Variants in AP3B1 observed in about 807,000 individuals in gnomAD.
The protein encoded by AP3B1 is AP-3 complex subunit beta-1.
In AP3B1, 61 loss-of-function variants were observed where a neutral mutation model predicts 132.5. That is an observed-to-expected ratio of 0.46 (90% CI 0.37 to 0.57). The LOEUF is 0.57. Ranked by LOEUF, AP3B1 falls within the 20% of genes least tolerant of loss-of-function variation. AP3B1 has a pLI of 0.00. For synonymous variants in AP3B1, 388 were observed against 438.3 expected (o/e 0.89, Z 1.43); for missense variants, 1,120 against 1,289.4 (o/e 0.87, Z 2.01).
chr5:78,192,810 TGAA>T (rs1744899378), intron 7 of AP3B1, among the ~76,000 whole-genome samples: 1 of 152,168 alleles, frequency 6.6e-6, no homozygotes, highest in Admixed American at 6.5e-5. Context: ...TTCCATCATG[TGAA>T]GAAGACAGTC....
At position 78,240,015 on chromosome 5, in the gene AP3B1, C is replaced by G. The variant is rs533751952; in HGVS notation, c.279+847G>C. Among the ~76,000 whole-genome samples the G allele has an allele frequency of 1.1e-3, 166 of 152,254 alleles. 1 individual carries two copies. The highest frequency in any genetic ancestry group is 3.8e-3 in the African/African-American group (156 of 41,556). ...CCATACTATGCATGGAAAATAAAAT[C>G]ATAACTACAAAATTAGCGAACCCTC... On this transcript the variant is annotated intron_variant, in intron 3 of 26. Transcript: ENST00000255194.
chr5:78,275,045 T>C (rs2112573398), intron 1 of AP3B1, among the ~76,000 whole-genome samples: 1 of 152,328 alleles, frequency 6.6e-6, no homozygotes, highest in African/African-American at 2.4e-5. Context: ...AACTCTGCTA[T>C]TGCACAATGA....
At chr5:78,158,938 T>C (rs1743274526) in intron 13 of AP3B1, among the ~76,000 whole-genome samples, 1 of 152,172 alleles carries the variant, frequency 6.6e-6, no homozygotes, top group South Asian at 2.1e-4. Context: ...CCTCAGGTGA[T>C]CCACCCGCCT....
intron 3 of AP3B1, among the ~76,000 whole-genome samples, chr5:78,231,632 C>T (rs902111380): frequency 2.0e-5 from 3 of 151,990 alleles, no homozygotes; most frequent in African/African-American, 7.3e-5. Flanking sequence ...AGAACAACAA[C>T]AAACAAACAG....
intron 2 of AP3B1, among the ~76,000 whole-genome samples, chr5:78,242,410 A>C (rs1347425155): frequency 2.3e-5 from 3 of 130,398 alleles, no homozygotes; most frequent in Non-Finnish European, 5.0e-5. Context: ...AATTTCTTTC[A>C]GAATTTTTTT....
At chr5:78,103,633 G>A (rs1751217811) in intron 20 of AP3B1, among the ~76,000 whole-genome samples, 1 of 152,056 alleles carries the variant, frequency 6.6e-6, no homozygotes, top group African/African-American at 2.4e-5. Context: ...ACAGCTGAGT[G>A]ACTGTATTAG....
At chr5:78,166,762 A>C (rs1463158965) in intron 11 of AP3B1, among the ~76,000 whole-genome samples, 3 of 152,224 alleles carry the variant, frequency 2.0e-5, no homozygotes, top group Admixed American at 2.0e-4. Flanking sequence ...TACCCTATTC[A>C]ACAAATGGTG....
chr5:78,065,882 G>T (rs998464073), intron 22 of AP3B1, among the ~76,000 whole-genome samples: 13 of 152,150 alleles, frequency 8.5e-5, no homozygotes, highest in Non-Finnish European at 1.6e-4. Context: ...TTCCAACAGG[G>T]GTCGCTAGAC....
chr5:78,157,578 T>C lies in AP3B1; in HGVS notation c.1364-1211A>G, dbSNP rs532422676. The stretch of plus-strand genomic sequence containing the variant: ...TGAGAACCTGACCTTATGAAATGAA[T>C]CTTATATAATGTGTTATTAATGCTA... On this transcript the variant is annotated intron_variant, in intron 13 of 26. Transcript: ENST00000255194. Among the ~76,000 whole-genome samples, 36 of 152,298 alleles carry C rather than the reference T, an allele frequency of 2.4e-4. 1 individual carries two copies. In the South Asian group the frequency reaches 7.1e-3, roughly 30 times the overall value.
intron 10 of AP3B1, 33 bp downstream of exon 10, chr5:78,175,751 G>A (rs758266468): frequency 1.9e-6 from 3 of 1,607,304 alleles, no homozygotes; most frequent in Admixed American, 1.7e-5. Context: ...GTGTTCATGT[G>A]TCTCTTAAAT....
intron 7 of AP3B1, among the ~76,000 whole-genome samples, chr5:78,207,651 G>A (rs775406332): frequency 6.6e-6 from 1 of 152,012 alleles, no homozygotes; most frequent in Non-Finnish European, 1.5e-5. Context: ...AATAACTCAC[G>A]TTGAGATGTA....
chr5:78,135,927 C>G (rs907085980), intron 15 of AP3B1, among the ~76,000 whole-genome samples: 1 of 152,096 alleles, frequency 6.6e-6, no homozygotes, highest in African/African-American at 2.4e-5. Flanking sequence ...TTTTTCCCCA[C>G]ATAAAAGTGA....
chr5:78,023,546 AG>A (rs1379275301), intron 24 of AP3B1, among the ~76,000 whole-genome samples: 1 of 152,334 alleles, frequency 6.6e-6, no homozygotes, highest in East Asian at 1.9e-4. Context: ...TAAATGGTGT[AG>A]GGAAGAGCTG....
At chr5:78,060,958 T>C (rs183049890) in intron 22 of AP3B1, among the ~76,000 whole-genome samples, 3 of 152,310 alleles carry the variant, frequency 2.0e-5, no homozygotes, top group Admixed American at 1.3e-4. Context: ...AATCATGTTA[T>C]GTAATTTTTA....
intron 2 of AP3B1, among the ~76,000 whole-genome samples, chr5:78,256,284 A>T (rs1483030857): frequency 6.6e-6 from 1 of 152,072 alleles, no homozygotes; most frequent in Non-Finnish European, 1.5e-5. Flanking sequence ...CAGACTAAGA[A>T]AAAAAAGAGA....
intron 7 of AP3B1, among the ~76,000 whole-genome samples, chr5:78,192,863 C>T (rs977325731): frequency 1.3e-5 from 2 of 152,130 alleles, no homozygotes; most frequent in Admixed American, 6.5e-5. Context: ...CACCAGATAC[C>T]AAATCTGTCA....
At chr5:78,182,850 A>G (rs933737793) in intron 7 of AP3B1, among the ~76,000 whole-genome samples, 2 of 152,226 alleles carry the variant, frequency 1.3e-5, no homozygotes, top group African/African-American at 4.8e-5. Flanking sequence ...GAAAAGGCCA[A>G]GATGGGATTG....
chr5:78,271,815 A>G (rs569898010), intron 1 of AP3B1, among the ~76,000 whole-genome samples: 9 of 152,356 alleles, frequency 5.9e-5, no homozygotes, highest in African/African-American at 2.2e-4. Context: ...CTATAGCATA[A>G]CGTCACATGA....
chr5:78,155,079 T>C (rs372018636), intron 14 of AP3B1, among the ~76,000 whole-genome samples: 9 of 152,176 alleles, frequency 5.9e-5, no homozygotes, highest in African/African-American at 1.9e-4. Context: ...CTGGGCTTGT[T>C]TGTGCTTATT....
Sources: allele counts gnomAD v4.1 joint callset (sites outside exome capture counted in the v4.1 genomes callset), GRCh38; gene constraint gnomAD v4.1.1; transcripts MANE v1.5; gene names NCBI Gene and HGNC (gene_info 2026-07-23, HGNC 2026-07-21).